ENPP3: variants seen among roughly 807,000 people sequenced by gnomAD.
The protein encoded by ENPP3 is ectonucleotide pyrophosphatase/phosphodiesterase 3, also known as ectonucleotide pyrophosphatase/phosphodiesterase family member 3.
ENPP3 carries 104 observed loss-of-function variants against 117.8 expected under a neutral mutation model. The observed-to-expected ratio is 0.88, with a 90% CI of 0.75 to 1.04. The LOEUF is 1.04. Ranked by LOEUF, ENPP3 falls within the 50% of genes least tolerant of loss-of-function variation. The probability of loss-of-function intolerance (pLI) is 0.00; values close to 1 mark genes in which losing one functional copy is unlikely to be tolerated. For synonymous variants in ENPP3, 380 were observed against 349.9 expected (o/e 1.09, Z -0.96); for missense variants, 1,026 against 1,051.9 (o/e 0.98, Z 0.34).
At chr6:131,689,276 T>C (rs4126646) in intron 14 of ENPP3, among the ~76,000 whole-genome samples, 11,424 of 152,210 alleles carry the variant, frequency 0.075, 840 homozygotes, top group East Asian at 0.33. Context: ...AGGACTTTCA[T>C]AGCTAGAGAA....
intron 24 of ENPP3, among the ~76,000 whole-genome samples, chr6:131,743,031 A>T (rs1208745827): frequency 6.6e-6 from 1 of 152,214 alleles, no homozygotes; most frequent in African/African-American, 2.4e-5. Context: ...ATTAGACAAA[A>T]TGCAATGAGT....
At chr6:131,675,336 C>G (rs763050464) in intron 9 of ENPP3, 147 bp downstream of exon 9, 63 of 596,406 alleles carry the variant, frequency 1.1e-4, no homozygotes, top group Non-Finnish European at 1.6e-4. Context: ...TTATGTCACT[C>G]AAGCAGTCTC....
intron 5 of ENPP3, among the ~76,000 whole-genome samples, chr6:131,653,711 C>T (rs150714924): frequency 2.0e-5 from 3 of 152,244 alleles, no homozygotes; most frequent in Non-Finnish European, 4.4e-5. Flanking sequence ...CATGTCTGGC[C>T]AGAACTCTTT....
At chr6:131,745,756 G>A (rs1231410712) in intron 24 of ENPP3, among the ~76,000 whole-genome samples, 1 of 152,138 alleles carries the variant, frequency 6.6e-6, no homozygotes, top group East Asian at 1.9e-4. Flanking sequence ...ATCTTTCACT[G>A]CCTATAGAAC....
rs780659562 is a variant in ENPP3, at chr6:131,738,166, A to G, written c.2300+3A>G. 7 of 1,609,686 alleles carry G rather than the reference A, an allele frequency of 4.3e-6. No homozygotes were observed. Among genetic ancestry groups the G allele is most frequent in the Non-Finnish European group, 5.1e-6 (6 of 1,178,050 alleles). On this transcript the variant is annotated splice_donor_region_variant and intron_variant, in intron 23 of 24. Transcript: ENST00000357639. ...GATGCTCCAGATGAAATTACCAAGT[A>G]AGTGATTTGACTTTTTGATTTATCA...
Position 131,637,719 on chromosome 6 carries a change from C to T in ENPP3, c.78+257C>T, listed in dbSNP as rs1777955542. 2.0e-5 allele frequency among the ~76,000 whole-genome samples: 3 copies of T among 152,252 alleles called. No individual in the cohort carries two copies. In the South Asian group the frequency reaches 6.2e-4, roughly 32 times the overall value. ...ATCCATGACAGAACGCTTTGTGGCGCTGATTTTTTGCATGATTATAACTAC... is the reference window on the plus strand; with the variant it reads ...ATCCATGACAGAACGCTTTGTGGCGTTGATTTTTTGCATGATTATAACTAC... On this transcript the variant is annotated intron_variant, in intron 1 of 24. Transcript: ENST00000357639.
intron 6 of ENPP3, among the ~76,000 whole-genome samples, chr6:131,666,723 T>C (rs1270055699): frequency 6.6e-6 from 1 of 152,242 alleles, no homozygotes. Flanking sequence ...TTCAGGTCAA[T>C]TCCTGAAGAT....
At position 131,736,740 on chromosome 6, in the gene ENPP3, T is replaced by C. The variant is rs564015306; in HGVS notation, c.2090-615T>C. On this transcript the variant is annotated intron_variant, in intron 21 of 24. Coordinates refer to ENST00000357639, the MANE Select transcript of ENPP3 (RefSeq NM_005021.5). ...CTACCCATTTATATCTGGCATTCTG[T>C]TTGTTTCCTAGGGCTGCTGGAACAA... 6.6e-5 allele frequency among the ~76,000 whole-genome samples: 10 copies of C among 152,304 alleles called. 1 individual carries two copies. The South Asian group carries it at 2.1e-3, about 32-fold the overall frequency.
At chr6:131,713,298 A>G (rs1233884084) in intron 15 of ENPP3, among the ~76,000 whole-genome samples, 1 of 150,700 alleles carries the variant, frequency 6.6e-6, no homozygotes. Context: ...TATTAGCAGC[A>G]TGAGAACAGA....
intron 19 of ENPP3, 77 bp from the exon 20 acceptor site, chr6:131,725,969 A>G: frequency 1.1e-6 from 1 of 895,810 alleles, no homozygotes; most frequent in Non-Finnish European, 1.8e-6. Flanking sequence ...GGTAGTTATT[A>G]TATGGGTAGT....
At chr6:131,739,100 C>G (rs560501428) in intron 23 of ENPP3, among the ~76,000 whole-genome samples, 7 of 152,232 alleles carry the variant, frequency 4.6e-5, no homozygotes, top group African/African-American at 1.7e-4. Flanking sequence ...TCCATTAGCC[C>G]CCAGTTAGAG....
intron 15 of ENPP3, among the ~76,000 whole-genome samples, chr6:131,697,738 A>C (rs948436463): frequency 1.3e-5 from 2 of 152,138 alleles, no homozygotes; most frequent in African/African-American, 4.8e-5. Context: ...ATCTGACAGG[A>C]GGCGGAGCTC....
rs1778906897 is a variant in ENPP3 at position 131,677,944 on chromosome 6, AGTT to A, written c.1011+11_1011+13del. The A allele has an allele frequency of 2.5e-6, 4 of 1,585,192 alleles. No homozygotes were observed. The highest frequency in any genetic ancestry group is 3.4e-5 in the Admixed American group (2 of 58,644). On this transcript the variant is annotated splice_donor_5th_base_variant and intron_variant, in intron 11 of 24. Transcript: ENST00000357639. ...AGGTGGACCAGTCAGTGCCAGAGTAAGTTGTTGTTTTCTTAAAAGAAAAAAAAA... is the reference window on the plus strand; with the variant it reads ...AGGTGGACCAGTCAGTGCCAGAGTAAGTTGTTTTCTTAAAAGAAAAAAAAA...
chr6:131,648,141 A>G (rs1250537810), intron 2 of ENPP3, among the ~76,000 whole-genome samples: 1 of 151,676 alleles, frequency 6.6e-6, no homozygotes, highest in Non-Finnish European at 1.5e-5. Flanking sequence ...TCTTATGTTC[A>G]CTAACTTTTT....
At chr6:131,721,878 A>C (rs546300306) in intron 17 of ENPP3, among the ~76,000 whole-genome samples, 23 of 152,332 alleles carry the variant, frequency 1.5e-4, no homozygotes, top group African/African-American at 5.3e-4. Flanking sequence ...GCTCATCTGC[A>C]GCAACTGTTC....
At chr6:131,738,211 A>T in intron 23 of ENPP3, 48 bp downstream of exon 23, 1 of 1,482,738 alleles carries the variant, frequency 6.7e-7, no homozygotes, top group Non-Finnish European at 9.3e-7. Flanking sequence ...CATGAGGGGA[A>T]ATTCCAATAT....
chr6:131,658,236 A>G, intron 5 of ENPP3, 87 bp from the exon 6 acceptor site: 1 of 743,148 alleles, frequency 1.3e-6, no homozygotes, highest in Non-Finnish European at 2.4e-6. Flanking sequence ...ATTTTACCTT[A>G]AACACAGGTC....
At chr6:131,686,471 A>G (rs1779156455) in intron 14 of ENPP3, among the ~76,000 whole-genome samples, 1 of 152,110 alleles carries the variant, frequency 6.6e-6, no homozygotes, top group South Asian at 2.1e-4. Context: ...TTATTTATTT[A>G]TATTTATTTT....
chr6:131,662,986 G>C (rs1323969882), intron 6 of ENPP3, among the ~76,000 whole-genome samples: 1 of 152,064 alleles, frequency 6.6e-6, no homozygotes, highest in Non-Finnish European at 1.5e-5. Flanking sequence ...TTAGTACATA[G>C]AAATGCAACT....
Sources: gnomAD v4.1 joint callset for allele counts (sites outside exome capture counted in the v4.1 genomes callset) on GRCh38, gnomAD v4.1.1 for gene constraint, MANE v1.5 for transcripts, NCBI Gene and HGNC (gene_info 2026-07-23, HGNC 2026-07-21) for gene names.